The following OPCML variants were observed in gnomAD, a reference collection of about 807,000 sequenced individuals.
The protein encoded by OPCML is opioid binding protein/cell adhesion molecule like, also known as opioid-binding protein/cell adhesion molecule.
In OPCML, 13 loss-of-function variants were observed where a neutral mutation model predicts 37.8. That is an observed-to-expected ratio of 0.34 (90% CI 0.22 to 0.55). OPCML has a LOEUF of 0.55. Ranked by LOEUF, OPCML falls within the 20% of genes least tolerant of loss-of-function variation. OPCML has a pLI of 0.91. For synonymous variants in OPCML, 176 were observed against 168.8 expected, an observed-to-expected ratio of 1.04 and a Z score of -0.33; for missense variants, 341 against 435.6, an observed-to-expected ratio of 0.78 and a Z score of 1.93.
At chr11:133,312,210 G>A (rs1943081276) in intron 1 of OPCML, among the ~76,000 whole-genome samples, 2 of 152,144 alleles carry the variant, frequency 1.3e-5, no homozygotes, top group Non-Finnish European at 2.9e-5. Flanking sequence ...TATGACAAAT[G>A]CATTCAAGTG....
rs75825133 is a variant in OPCML at position 132,454,735 on chromosome 11, T to C, written c.506-17376A>G. Among the ~76,000 whole-genome samples the C allele has an allele frequency of 7.0e-3, 1,065 of 152,308 alleles. 4 individuals are homozygous for C. The highest frequency in any genetic ancestry group is 0.011 in the Non-Finnish European group (716 of 68,032). On this transcript the variant is annotated intron_variant, in intron 4 of 7. Transcript: ENST00000524381. Reference sequence around the variant, plus strand: ...TTCAGATCCAATCTAGCCTACTCTATGGGAAACAGGATGAACTGACTTGTT... The same window carrying C: ...TTCAGATCCAATCTAGCCTACTCTACGGGAAACAGGATGAACTGACTTGTT...
chr11:133,320,619 C>A (rs1943306487), intron 1 of OPCML, among the ~76,000 whole-genome samples: 1 of 152,158 alleles, frequency 6.6e-6, no homozygotes, highest in African/African-American at 2.4e-5. Context: ...TTTGCCAATC[C>A]TGGAAAGCTA....
intron 1 of OPCML, among the ~76,000 whole-genome samples, chr11:133,279,646 G>A (rs1044085777): frequency 1.8e-4 from 27 of 152,028 alleles, no homozygotes; most frequent in African/African-American, 5.3e-4. Context: ...CCCCATGCCC[G>A]GCTGCTGCTG....
intron 2 of OPCML, among the ~76,000 whole-genome samples, chr11:132,810,065 G>A (rs1939250901): frequency 6.6e-6 from 1 of 152,024 alleles, no homozygotes; most frequent in Non-Finnish European, 1.5e-5. Flanking sequence ...TGGCCAGGAT[G>A]GACTCGAAGT....
chr11:133,242,646 C>A (rs901906706), intron 1 of OPCML, among the ~76,000 whole-genome samples: 1 of 152,136 alleles, frequency 6.6e-6, no homozygotes, highest in Admixed American at 6.5e-5. Context: ...TGTGTAATTA[C>A]CTCTTTTTAA....
intron 4 of OPCML, among the ~76,000 whole-genome samples, chr11:132,441,370 G>A (rs1382571561): frequency 2.0e-5 from 3 of 150,996 alleles, no homozygotes; most frequent in East Asian, 2.0e-4. Flanking sequence ...GGGTTTCACC[G>A]TTTTAGCCGG....
intron 1 of OPCML, among the ~76,000 whole-genome samples, chr11:133,281,121 T>A (rs898101478): frequency 4.6e-5 from 7 of 152,096 alleles, no homozygotes; most frequent in African/African-American, 1.7e-4. Flanking sequence ...CTAGAGACAC[T>A]TTGGAAGCTT....
intron 3 of OPCML, among the ~76,000 whole-genome samples, chr11:132,554,610 C>A (rs745936145): frequency 6.6e-6 from 1 of 152,138 alleles, no homozygotes; most frequent in Non-Finnish European, 1.5e-5. Flanking sequence ...ACCCCACCTG[C>A]TGGGGTGTCT....
In OPCML at chr11:132,892,826, T is replaced by C. The variant is rs148969124; in HGVS notation, c.146+50100A>G. Among the ~76,000 whole-genome samples, 54 of 152,304 alleles carry C rather than the reference T, an allele frequency of 3.5e-4. No individual in the cohort carries two copies. In the East Asian group the frequency reaches 0.01, roughly 29 times the overall value. ...ACTGTTGTTGCAATACTGCTATTTA[T>C]TGAGTAGAATATAACAAAGAGCAAG... is the stretch of plus-strand genomic sequence containing the variant. On this transcript the variant is annotated intron_variant, in intron 2 of 7. Transcript: ENST00000524381.
intron 3 of OPCML, among the ~76,000 whole-genome samples, chr11:132,572,502 T>TAA (rs2096441006): frequency 6.6e-6 from 1 of 152,112 alleles, no homozygotes; most frequent in African/African-American, 2.4e-5. Context: ...CCTTGATAGA[T>TAA]AAGAGTGTCC....
At chr11:133,293,596 C>T (rs569565309) in intron 1 of OPCML, among the ~76,000 whole-genome samples, 2 of 152,284 alleles carry the variant, frequency 1.3e-5, no homozygotes, top group East Asian at 1.9e-4. Context: ...AAACACATGA[C>T]AGAGAGTAAA....
At chr11:132,446,847 G>T (rs2096056665) in intron 4 of OPCML, among the ~76,000 whole-genome samples, 1 of 152,130 alleles carries the variant, frequency 6.6e-6, no homozygotes, top group Admixed American at 6.5e-5. Flanking sequence ...AATGTCTAAA[G>T]AAAGTTGCCT....
intron 2 of OPCML, among the ~76,000 whole-genome samples, chr11:132,783,795 C>G (rs114407027): frequency 6.6e-6 from 1 of 152,154 alleles, no homozygotes; most frequent in Admixed American, 6.5e-5. Flanking sequence ...CAACCTTACC[C>G]TAGACCTCGT....
intron 1 of OPCML, among the ~76,000 whole-genome samples, chr11:133,328,157 A>AAT (rs1301231919): frequency 7.2e-6 from 1 of 138,274 alleles, no homozygotes; most frequent in Admixed American, 7.3e-5. Context: ...GTGTGTTTTA[A>AAT]TTTTTTTTTT....
chr11:133,504,882 CA>C (rs1415407439), intron 1 of OPCML, among the ~76,000 whole-genome samples: 2 of 152,084 alleles, frequency 1.3e-5, no homozygotes, highest in Admixed American at 6.5e-5. Flanking sequence ...AAAATAAATA[CA>C]AAAATAAAGT....
chr11:132,719,547 G>T (rs1050974029), intron 2 of OPCML, among the ~76,000 whole-genome samples: 1 of 152,164 alleles, frequency 6.6e-6, no homozygotes, highest in Admixed American at 6.5e-5. Context: ...GGATGTCTGT[G>T]TGCTGCGGCC....
In OPCML at chr11:133,494,724, G is replaced by GTT. The variant is rs1947743437; in HGVS notation, c.61+37539_61+37540insAA. Among the ~76,000 whole-genome samples the GTT allele has an allele frequency of 1.6e-5, 2 of 121,832 alleles. 1 individual carries two copies. The highest frequency in any genetic ancestry group is 9.0e-5 in the African/African-American group (2 of 22,186). The allele number at this position is 121,832 out of a possible 152,430, so 79.9% of individuals were successfully genotyped here. On this transcript the variant is annotated intron_variant, in intron 1 of 7. Coordinates refer to ENST00000524381, the MANE Select transcript of OPCML (RefSeq NM_001012393.5). ...CATCACACTCTGGGGACTGTTGTGG[G>GTT]GCGGGGGGACGGGGGAGGGATAGCA...
At chr11:132,883,977 G>A (rs1018759289) in intron 2 of OPCML, among the ~76,000 whole-genome samples, 10 of 152,078 alleles carry the variant, frequency 6.6e-5, no homozygotes, top group African/African-American at 2.2e-4. Context: ...TTGAGATGAT[G>A]GTGGAACATT....
At chr11:133,531,021 C>T (rs1428715138) in intron 1 of OPCML, among the ~76,000 whole-genome samples, 2 of 152,124 alleles carry the variant, frequency 1.3e-5, no homozygotes, top group Admixed American at 6.5e-5. Context: ...GCATTCCTGT[C>T]TGTGTATATA....
Sources: gnomAD v4.1 joint callset for allele counts (sites outside exome capture counted in the v4.1 genomes callset) on GRCh38, gnomAD v4.1.1 for gene constraint, MANE v1.5 for transcripts, NCBI Gene and HGNC (gene_info 2026-07-23, HGNC 2026-07-21) for gene names.